The following KCNAB1 variants were observed in gnomAD, a reference collection of about 807,000 sequenced individuals.
KCNAB1 encodes the protein voltage-gated potassium channel subunit beta-1.
In KCNAB1, 35 loss-of-function variants were observed where a neutral mutation model predicts 64.6. That is an observed-to-expected ratio of 0.54 (90% CI 0.41 to 0.72). The LOEUF is 0.72. Ranked by LOEUF, KCNAB1 falls within the 30% of genes least tolerant of loss-of-function variation. KCNAB1 has a pLI of 0.00. For missense variants in KCNAB1, 401 were observed against 512.9 expected (o/e 0.78, Z 2.11); for synonymous variants, 177 against 183.8 (o/e 0.96, Z 0.30).
intron 1 of KCNAB1, among the ~76,000 whole-genome samples, chr3:156,172,442 G>T (rs1712063865): frequency 6.6e-6 from 1 of 152,118 alleles, no homozygotes; most frequent in African/African-American, 2.4e-5. Context: ...ACCACACCCA[G>T]CTAATTTTTG....
intron 1 of KCNAB1, among the ~76,000 whole-genome samples, chr3:156,164,168 C>T (rs1366271314): frequency 6.6e-6 from 1 of 152,106 alleles, no homozygotes. Context: ...TCCCCTCTGC[C>T]TGTTGATGGT....
chr3:156,252,172 A>G (rs1273521163), intron 1 of KCNAB1, among the ~76,000 whole-genome samples: 5 of 152,346 alleles, frequency 3.3e-5, no homozygotes, highest in Non-Finnish European at 2.9e-5. Context: ...AGACATTGGG[A>G]TATTGCCTTG....
intron 4 of KCNAB1, 44 bp from the exon 5 acceptor site, chr3:156,459,783 T>G (rs771541650): frequency 5.9e-5 from 87 of 1,467,532 alleles, no homozygotes; most frequent in Non-Finnish European, 8.1e-5. Context: ...CTCTTGCTTT[T>G]CCAGGACACT....
At chr3:156,354,828 C>T (rs1317185025) in intron 1 of KCNAB1, among the ~76,000 whole-genome samples, 1 of 151,778 alleles carries the variant, frequency 6.6e-6, no homozygotes, top group Non-Finnish European at 1.5e-5. Context: ...TAAGGCGTTA[C>T]AACTTGCAAT....
At chr3:156,362,089 G>C (rs1725652053) in intron 1 of KCNAB1, among the ~76,000 whole-genome samples, 1 of 152,158 alleles carries the variant, frequency 6.6e-6, no homozygotes, top group Non-Finnish European at 1.5e-5. Flanking sequence ...GCTTATATCT[G>C]TATCTATAGC....
intron 1 of KCNAB1, among the ~76,000 whole-genome samples, chr3:156,341,109 G>A (rs1724079167): frequency 6.6e-6 from 1 of 152,166 alleles, no homozygotes; most frequent in Non-Finnish European, 1.5e-5. Context: ...AATACACTTT[G>A]AAATCTCAAT....
intron 1 of KCNAB1, among the ~76,000 whole-genome samples, chr3:156,190,844 C>T (rs1216063359): frequency 2.0e-5 from 3 of 152,112 alleles, no homozygotes; most frequent in Admixed American, 6.6e-5. Flanking sequence ...CAGGTGCTAC[C>T]ACCGCGCCTG....
At chr3:156,512,647 A>G (rs996257916) in intron 8 of KCNAB1, among the ~76,000 whole-genome samples, 3 of 152,160 alleles carry the variant, frequency 2.0e-5, no homozygotes, top group South Asian at 2.1e-4. Context: ...ATTGTTTTCA[A>G]CTTCTGGAAC....
intron 2 of KCNAB1, among the ~76,000 whole-genome samples, chr3:156,424,670 A>G (rs1715698021): frequency 6.6e-6 from 1 of 152,226 alleles, no homozygotes; most frequent in Non-Finnish European, 1.5e-5. Context: ...AAGTACACAG[A>G]AAACTCAGCT....
upstream of KCNAB1, among the ~76,000 whole-genome samples, chr3:156,119,270 G>C (rs947562731): frequency 1.3e-5 from 2 of 152,170 alleles, no homozygotes; most frequent in Non-Finnish European, 2.9e-5. Flanking sequence ...ATCCAAGACA[G>C]CAGTAGATGA....
chr3:156,270,168 G>A lies in KCNAB1; in HGVS notation c.275+149282G>A, dbSNP rs191720232. Reference sequence around the variant, plus strand: ...CCTGACCTCGTGATCTGTCCGCCTCGGCCTCCCAAAGTGCTGGGATTACAG... The same window carrying A: ...CCTGACCTCGTGATCTGTCCGCCTCAGCCTCCCAAAGTGCTGGGATTACAG... On this transcript the variant is annotated intron_variant, in intron 1 of 13. Transcript: ENST00000490337. Among the ~76,000 whole-genome samples the A allele has an allele frequency of 1.7e-3, 256 of 152,062 alleles. 1 individual carries two copies. The highest frequency in any genetic ancestry group is 6.0e-3 in the African/African-American group (249 of 41,488).
intron 1 of KCNAB1, among the ~76,000 whole-genome samples, chr3:156,314,610 C>T (rs947051075): frequency 6.6e-6 from 1 of 152,228 alleles, no homozygotes. Context: ...GTCAGAAACA[C>T]TAAATGCCAA....
At chr3:156,203,798 G>A (rs1176585796) in intron 1 of KCNAB1, among the ~76,000 whole-genome samples, 1 of 152,094 alleles carries the variant, frequency 6.6e-6, no homozygotes, top group East Asian at 1.9e-4. Context: ...TCAAATATAT[G>A]TTTTTCAAAT....
chr3:156,538,001 A>T lies in KCNAB1; in HGVS notation c.*1254A>T, dbSNP rs545505816. On this transcript the variant is annotated 3_prime_UTR_variant, in exon 14 of 14. Transcript: ENST00000490337. The stretch of plus-strand genomic sequence containing the variant: ...TGCATGAAAGTTCTTTGCATGGATT[A>T]ATGGGGCTTACCCTTGTTGCACTCG... 6.6e-6 allele frequency: 1 copy of T among 152,326 alleles called. No homozygotes were observed. Among genetic ancestry groups the T allele is most frequent in the African/African-American group, 2.4e-5 (1 of 41,578 alleles). The allele number at this position is 152,326 out of a possible 1,614,324, so 9.4% of individuals were successfully genotyped here. A position where few individuals can be genotyped will look rare whatever the true frequency, so the allele number is the denominator to read the frequency against.
At chr3:156,343,055 C>T (rs531327904) in intron 1 of KCNAB1, among the ~76,000 whole-genome samples, 1 of 152,272 alleles carries the variant, frequency 6.6e-6, no homozygotes, top group African/African-American at 2.4e-5. Context: ...TTGTATTAGC[C>T]TCCCTACCCT....
intron 1 of KCNAB1, among the ~76,000 whole-genome samples, chr3:156,227,501 G>A (rs1025554167): frequency 3.3e-5 from 5 of 152,176 alleles, no homozygotes; most frequent in Admixed American, 1.3e-4. Context: ...TCTAGTGTGT[G>A]TGTACTATTT....
chr3:156,515,559 A>C (rs567796526), intron 10 of KCNAB1, among the ~76,000 whole-genome samples: 23 of 152,284 alleles, frequency 1.5e-4, no homozygotes, highest in African/African-American at 5.5e-4. Context: ...TCGAGTAAAC[A>C]ATGACTACCT....
chr3:156,188,576 C>T (rs1283340650), intron 1 of KCNAB1, among the ~76,000 whole-genome samples: 1 of 152,214 alleles, frequency 6.6e-6, no homozygotes, highest in East Asian at 1.9e-4. Context: ...ATAATCCTGT[C>T]ATAGGTTTTG....
At chr3:156,166,007 G>A (rs775050353) in intron 1 of KCNAB1, among the ~76,000 whole-genome samples, 3 of 152,174 alleles carry the variant, frequency 2.0e-5, no homozygotes, top group Non-Finnish European at 4.4e-5. Context: ...GAACTGGGGT[G>A]TGTGAATCAC....
Sources: gnomAD v4.1 joint callset for allele counts (sites outside exome capture counted in the v4.1 genomes callset) on GRCh38, gnomAD v4.1.1 for gene constraint, MANE v1.5 for transcripts, NCBI Gene and HGNC (gene_info 2026-07-23, HGNC 2026-07-21) for gene names.